The following FRK variants were observed in gnomAD, a reference collection of about 807,000 sequenced individuals.
FRK encodes fyn related Src family tyrosine kinase.
A neutral mutation model predicts 56.4 loss-of-function variants in FRK; 51 were observed. The observed-to-expected ratio is 0.90, with a 90% CI of 0.72 to 1.14. The LOEUF is 1.14. Among genes scored for constraint, FRK ranks in the 50% most tolerant of loss-of-function variants. The pLI, the probability that FRK is intolerant of heterozygous loss-of-function variation, is 0.00. For missense variants in FRK, 570 were observed against 601.4 expected, an observed-to-expected ratio of 0.95 and a Z score of 0.55; for synonymous variants, 245 against 217.9, an observed-to-expected ratio of 1.12 and a Z score of -1.10.
chr6:115,993,695 G>T (rs1208104115), intron 2 of FRK, among the ~76,000 whole-genome samples: 1 of 151,896 alleles, frequency 6.6e-6, no homozygotes, highest in Non-Finnish European at 1.5e-5. Flanking sequence ...ACTGAGGAAA[G>T]CTTTCTTATG....
At position 115,999,613 on chromosome 6, in the gene FRK, A is replaced by G. The variant is rs542118694; in HGVS notation, c.466+4264T>C. Among the ~76,000 whole-genome samples, 30 of 152,366 alleles carry G rather than the reference A, an allele frequency of 2.0e-4. No individual in the cohort carries two copies. In the South Asian group the frequency reaches 5.4e-3, roughly 27 times the overall value. On this transcript the variant is annotated intron_variant, in intron 2 of 7. Coordinates refer to ENST00000606080, the MANE Select transcript of FRK (RefSeq NM_002031.3). ...AAACTCAAGTGGGAAAGAAAGAGAT[A>G]GAAAAGGGATATTTTTTGCCTTCCT... is the stretch of plus-strand genomic sequence containing the variant.
chr6:115,955,617 T>C (rs553810765), intron 5 of FRK, among the ~76,000 whole-genome samples: 1 of 152,338 alleles, frequency 6.6e-6, no homozygotes, highest in Admixed American at 6.5e-5. Flanking sequence ...TAGCTTAATG[T>C]TACCAGCTTC....
chr6:116,068,005 G>T, the FRK span, among the ~76,000 whole-genome samples: 1 of 152,172 alleles, frequency 6.6e-6, no homozygotes, highest in East Asian at 1.9e-4. Context: ...TACTTCCTTT[G>T]GCTATAATAC....
chr6:115,983,578 T>A (rs1774286288), intron 2 of FRK, among the ~76,000 whole-genome samples: 1 of 152,172 alleles, frequency 6.6e-6, no homozygotes, highest in Non-Finnish European at 1.5e-5. Context: ...CACATTATCT[T>A]ATTCCCCAAG....
upstream of FRK, among the ~76,000 whole-genome samples, chr6:116,064,998 G>C (rs549760930): frequency 3.9e-5 from 6 of 152,068 alleles, no homozygotes; most frequent in African/African-American, 1.4e-4. Context: ...TCCCCTCCCA[G>C]TAAGTCTACT....
At chr6:116,084,067 A>C in the FRK span, among the ~76,000 whole-genome samples, 13 of 152,202 alleles carry the variant, frequency 8.5e-5, no homozygotes, top group Admixed American at 2.0e-4. Flanking sequence ...GATGAAAGGA[A>C]AAATATGAAA....
the FRK span, among the ~76,000 whole-genome samples, chr6:116,085,570 T>A: frequency 6.6e-6 from 1 of 152,250 alleles, no homozygotes; most frequent in Non-Finnish European, 1.5e-5. Context: ...TCCATGCTGT[T>A]ACGATGAGTG....
chr6:116,090,006 A>C, the FRK span, among the ~76,000 whole-genome samples: 12 of 152,230 alleles, frequency 7.9e-5, no homozygotes, highest in Non-Finnish European at 1.5e-5. Context: ...TTAAATTTGA[A>C]TTTCAGATAA....
chr6:116,092,736 C>A, the FRK span, among the ~76,000 whole-genome samples: 5 of 152,160 alleles, frequency 3.3e-5, no homozygotes, highest in African/African-American at 1.2e-4. Flanking sequence ...TGCAACTATT[C>A]CGATCAGCAG....
intron 1 of FRK, among the ~76,000 whole-genome samples, chr6:116,018,269 T>C (rs1424000914): frequency 6.6e-6 from 1 of 152,204 alleles, no homozygotes; most frequent in East Asian, 1.9e-4. Context: ...ACTTCTTAAA[T>C]TGTTCTGCTC....
chr6:116,024,552 G>A (rs1776011987), intron 1 of FRK, among the ~76,000 whole-genome samples: 1 of 151,990 alleles, frequency 6.6e-6, no homozygotes, highest in Admixed American at 6.6e-5. Context: ...TACTGAGAAT[G>A]ATGATTTCCA....
At position 115,968,625 on chromosome 6, in the gene FRK, G is replaced by A; in HGVS notation, c.581C>T (p.Thr194Ile). The A allele has an allele frequency of 6.2e-7, 1 of 1,613,892 alleles. No individual in the cohort carries two copies. Among genetic ancestry groups the A allele is most frequent in the Non-Finnish European group, 8.5e-7 (1 of 1,179,844 alleles). ...STLNEFVSHY[T>I]KTSDGLCVKL... is the part of the protein sequence containing the mutation. ...GACACACAGGCCGTCACTTGTCTTG[G>A]TGTAGTGGCTCACAAATTCGTTCAG... The change falls in exon 3 of 8, where the codon ACC becomes ATC. Residue 194 changes from threonine to isoleucine, a missense_variant. Coordinates refer to ENST00000606080, the MANE Select transcript of FRK (RefSeq NM_002031.3).
intron 5 of FRK, among the ~76,000 whole-genome samples, chr6:115,953,186 T>TTC (rs1772844397): frequency 2.6e-5 from 3 of 116,386 alleles, no homozygotes; most frequent in Non-Finnish European, 5.4e-5. Context: ...GGCCATTTTT[T>TTC]TTTTTTTTTT....
chr6:116,088,865 G>T, the FRK span, among the ~76,000 whole-genome samples: 1 of 152,206 alleles, frequency 6.6e-6, no homozygotes. Flanking sequence ...TGCCCAAGAG[G>T]TCTGAAGACA....
chr6:116,039,454 C>G, intron 1 of FRK: 3 of 1,564,646 alleles, frequency 1.9e-6, no homozygotes, highest in Non-Finnish European at 1.8e-6. Context: ...TGATGCTTCC[C>G]TCAAGCCCTA....
In FRK at chr6:115,942,470, C is replaced by T. The variant is rs2114506435; in HGVS notation, c.1462G>A (p.Glu488Lys). The change falls in exon 8 of 8, where the codon GAA (glutamate) becomes AAA (lysine). Residue 488 changes from glutamate to lysine, a missense_variant. Transcript: ENST00000606080. ...PTFETLRWKL[E>K]DYFETDSSYS... Reference sequence around the variant, plus strand: ...GAAGAGTCTGTTTCAAAATAGTCTTCAAGTTTCCAACGCAGTGTCTCAAAT... The same window carrying T: ...GAAGAGTCTGTTTCAAAATAGTCTTTAAGTTTCCAACGCAGTGTCTCAAAT... The T allele has an allele frequency of 6.2e-7, 1 of 1,613,736 alleles. No homozygotes were observed. The highest frequency in any genetic ancestry group is 8.5e-7 in the Non-Finnish European group (1 of 1,179,732).
At chr6:116,008,102 A>T (rs943752583) in intron 1 of FRK, among the ~76,000 whole-genome samples, 1 of 152,210 alleles carries the variant, frequency 6.6e-6, no homozygotes, top group African/African-American at 2.4e-5. Flanking sequence ...ACTCCATTAC[A>T]TAAGTTTTAT....
At chr6:116,038,969 G>T in intron 1 of FRK, 1 of 696,888 alleles carries the variant, frequency 1.4e-6, no homozygotes, top group South Asian at 1.4e-5. Context: ...TAACTAACGG[G>T]GCCTTTACTT....
intron 1 of FRK, among the ~76,000 whole-genome samples, chr6:116,053,256 A>G (rs1400454731): frequency 1.3e-5 from 2 of 152,184 alleles, no homozygotes; most frequent in African/African-American, 4.8e-5. Context: ...GGCTGCTCTT[A>G]TTTATATTGC....
Sources: allele counts gnomAD v4.1 joint callset (sites outside exome capture counted in the v4.1 genomes callset), GRCh38; gene constraint gnomAD v4.1.1; transcripts MANE v1.5; gene names NCBI Gene and HGNC (gene_info 2026-07-23, HGNC 2026-07-21).